Variants in SSX5 observed in about 807,000 individuals in gnomAD.
SSX5 encodes the protein protein SSX5.
In SSX5, 14 loss-of-function variants were observed where a neutral mutation model predicts 14.9. The observed-to-expected ratio is 0.94, with a 90% CI of 0.62 to 1.47. The LOEUF is 1.47. SSX5 is among the 40% of genes most tolerant of loss of function. SSX5 has a pLI of 0.00. For missense variants in SSX5, 204 were observed against 154.6 expected, an observed-to-expected ratio of 1.32 and a Z score of -1.70; for synonymous variants, 70 against 55.4, an observed-to-expected ratio of 1.26 and a Z score of -1.17.
At position 48,194,195 on chromosome X, in the gene SSX5, G is replaced by A. The variant is rs144821224; in HGVS notation, c.214C>T (p.Arg72Cys). 303 of 1,207,794 alleles carry A rather than the reference G, an allele frequency of 2.5e-4. 1 individual carries two copies. Among genetic ancestry groups the A allele is most frequent in the Admixed American group, 3.1e-4 (14 of 45,430 alleles). ...TGGAAGTCTGCGACCCGTTTATTAC[G>A]CATGAAAGGTGGGAGGGTGGCCTTG... ...GFKATLPPFM[R>C]NKRVADFQGN... is the part of the protein sequence containing the mutation. Residue 72 changes from arginine to cysteine, a missense_variant, in exon 4 of 8, where the codon CGT becomes TGT. Coordinates refer to ENST00000347757, the MANE Select transcript of SSX5 (RefSeq NM_175723.2).
rs144774349 is a variant in SSX5, at chrX:48,186,913, C to T, written c.*5-57G>A. ...GCAGTGAGTTCCCACCACATGACAA[C>T]TCAATCTCAACTCCTCCTGACCTGC... is the stretch of plus-strand genomic sequence containing the variant. On this transcript the variant is annotated intron_variant, in intron 7 of 7. Transcript: ENST00000347757. 449 of 1,180,933 alleles carry T rather than the reference C, an allele frequency of 3.8e-4. No homozygotes were observed. The African/African-American group carries it at 6.9e-3, about 18-fold the overall frequency.
chrX:48,193,159 T>C (rs2059426593), intron 4 of SSX5, among the ~76,000 whole-genome samples: 1 of 111,883 alleles, frequency 8.9e-6, no homozygotes, highest in East Asian at 2.8e-4. Context: ...ACATAATGTG[T>C]TCATCACCTT....
chrX:48,196,335 G>A (rs1556925834), intron 1 of SSX5, among the ~76,000 whole-genome samples: 1 of 110,172 alleles, frequency 9.1e-6, no homozygotes, highest in Non-Finnish European at 1.9e-5. Context: ...CCAAGGCCTA[G>A]GCAACAGGAT....
chrX:48,186,909 A>G (rs2059399954), intron 7 of SSX5, 53 bp from the exon 8 acceptor site: 3 of 1,187,571 alleles, frequency 2.5e-6, no homozygotes, highest in South Asian at 3.5e-5. Context: ...CCACCACATG[A>G]CAACTCAATC....
At chrX:48,189,995 A>T (rs1272262181) in intron 6 of SSX5, 138 bp downstream of exon 6, 6 of 894,840 alleles carry the variant, frequency 6.7e-6, no homozygotes, top group Non-Finnish European at 8.9e-6. Flanking sequence ...CATGTGTAAC[A>T]TCTCATCTGG....
At chrX:48,193,024 T>C (rs2059426089) in intron 4 of SSX5, among the ~76,000 whole-genome samples, 1 of 112,341 alleles carries the variant, frequency 8.9e-6, no homozygotes, top group Non-Finnish European at 1.9e-5. Flanking sequence ...GAAAGCTCTC[T>C]GTGTGTTGGA....
chrX:48,194,174 A>G lies in SSX5; in HGVS notation c.235T>C (p.Phe79Leu). The G allele has an allele frequency of 1.7e-6, 2 of 1,210,897 alleles. No homozygotes were observed. The highest frequency in any genetic ancestry group is 2.2e-6 in the Non-Finnish European group (2 of 895,210). The change falls in exon 4 of 8, where the codon TTC (phenylalanine) becomes CTC (leucine). Residue 79 changes from phenylalanine to leucine, a missense_variant. Coordinates refer to ENST00000347757, the MANE Select transcript of SSX5 (RefSeq NM_175723.2). ...PFMRNKRVAD[F>L]QGNDFDNDPN... The stretch of plus-strand genomic sequence containing the variant: ...TCATTATCAAAATCATTCCCCTGGA[A>G]GTCTGCGACCCGTTTATTACGCATG...
At chrX:48,187,290 C>G (rs782537500) in intron 7 of SSX5, among the ~76,000 whole-genome samples, 1 of 110,657 alleles carries the variant, frequency 9.0e-6, no homozygotes, top group African/African-American at 3.3e-5. Context: ...CCTGTCTCTA[C>G]TAAAAATACA....
intron 4 of SSX5, among the ~76,000 whole-genome samples, 186 bp downstream of exon 4, chrX:48,193,943 G>C (rs72616748): frequency 0.024 from 2,486 of 104,550 alleles, 49 homozygotes; most frequent in East Asian, 0.095. Context: ...ACATATTCTT[G>C]TTTTGCATGT....
chrX:48,186,656 C>T lies in SSX5; in HGVS notation c.*205G>A. 1 of 741,818 alleles carries T rather than the reference C, an allele frequency of 1.3e-6. No homozygotes were observed. 61.1% of individuals were successfully genotyped at this position (741,818 alleles called of 1,213,427 possible). A position where few individuals can be genotyped will look rare whatever the true frequency, so the allele number is the denominator to read the frequency against. On this transcript the variant is annotated 3_prime_UTR_variant, in exon 8 of 8. Transcript: ENST00000347757. ...AAAACGCTAATATCTAACAGAATGG[C>T]ACACTGTAACAAAATACAACAGAAA... is the stretch of plus-strand genomic sequence containing the variant.
chrX:48,195,269 G>GC, intron 2 of SSX5, 21 bp downstream of exon 2: 1 of 1,209,261 alleles, frequency 8.3e-7, no homozygotes, highest in African/African-American at 1.7e-5. Flanking sequence ...CCACTACTAT[G>GC]CCCCCTGCAG....
chrX:48,195,347 G>T lies in SSX5; in HGVS notation c.12C>A (p.Asp4Glu), dbSNP rs147678026. The change falls in exon 2 of 8, where the codon GAC becomes GAA. Residue 4 changes from aspartate to glutamate, a missense_variant. Coordinates refer to ENST00000347757, the MANE Select transcript of SSX5 (RefSeq NM_175723.2). The part of the protein sequence containing the change: MNG[D>E]DAFVRRPRVG... Reference sequence around the variant, plus strand: ...CCCTAGGTCTCCGTACAAAGGCATCGTCTCCGTTCATGGCACCGGGAGCAC... The same window carrying T: ...CCCTAGGTCTCCGTACAAAGGCATCTTCTCCGTTCATGGCACCGGGAGCAC... 8.3e-7 allele frequency: 1 copy of T among 1,211,529 alleles called. No individual in the cohort carries two copies. The highest frequency in any genetic ancestry group is 1.1e-6 in the Non-Finnish European group (1 of 895,325).
rs782259050 is a variant in SSX5, at chrX:48,190,910, CT to C, written c.331-643del. Among the ~76,000 whole-genome samples, 597 of 101,979 alleles carry C rather than the reference CT, an allele frequency of 5.9e-3. 2 individuals carry two copies. Among genetic ancestry groups the C allele is most frequent in the Non-Finnish European group, 7.8e-3 (389 of 49,565 alleles). 88.6% of individuals were successfully genotyped at this position (101,979 alleles called of 115,157 possible). ...ATCACTGACCAACACTCTTAAGCTA[CT>C]TTTTTTTTTTTTTGGATGGAGTCTC... is the stretch of plus-strand genomic sequence containing the variant. On this transcript the variant is annotated intron_variant, in intron 5 of 7. Coordinates refer to ENST00000347757, the MANE Select transcript of SSX5 (RefSeq NM_175723.2).
chrX:48,187,829 T>A, intron 6 of SSX5, 98 bp from the exon 7 acceptor site: 1 of 1,035,541 alleles, frequency 9.7e-7, no homozygotes, highest in Non-Finnish European at 1.3e-6. Flanking sequence ...AAAAAGGAGA[T>A]GCCTCCCCAC....
At position 48,187,707 on chromosome X, in the gene SSX5, C is replaced by G. The variant is rs781834014; in HGVS notation, c.491G>C (p.Trp164Ser). ...CTTTCTCTCACGCACTCTGTGGGTC[C>G]AGGCATGTTTCCCCCTTTTGGGTCC... ...TSGPKRGKHA[W>S]THRVRERKQL... Residue 164 changes from tryptophan to serine, a missense_variant, in exon 7 of 8, where the codon TGG becomes TCG. Trp to Ser is a radical substitution (Grantham distance 177). Transcript: ENST00000347757. 6.6e-6 allele frequency: 8 copies of G among 1,207,535 alleles called. No individual in the cohort carries two copies. The highest frequency in any genetic ancestry group is 4.5e-6 in the Non-Finnish European group (4 of 894,670).
At chrX:48,194,049 T>C (rs1305625946) in intron 4 of SSX5, 80 bp downstream of exon 4, 10 of 1,134,308 alleles carry the variant, frequency 8.8e-6, no homozygotes, top group Non-Finnish European at 1.2e-5. Flanking sequence ...AACAAATGCC[T>C]GAGGATCTTT....
intron 5 of SSX5, 34 bp from the exon 6 acceptor site, chrX:48,190,302 C>A (rs1185757754): frequency 8.6e-7 from 1 of 1,163,466 alleles, no homozygotes; most frequent in Non-Finnish European, 1.1e-6. Context: ...TAAACAGTAT[C>A]AGTGACATTT....
At chrX:48,194,464 G>C (rs1401752568) in intron 3 of SSX5, among the ~76,000 whole-genome samples, 2 of 109,915 alleles carry the variant, frequency 1.8e-5, no homozygotes, top group African/African-American at 3.3e-5. Context: ...AGGGACGATG[G>C]GGGGGTGCCA....
At chrX:48,191,149 C>T (rs191656198) in intron 5 of SSX5, among the ~76,000 whole-genome samples, 4 of 110,459 alleles carry the variant, frequency 3.6e-5, no homozygotes, top group Middle Eastern at 4.7e-3. Flanking sequence ...ATGATCTGCC[C>T]GCCTCAGCCT....
Sources: allele counts gnomAD v4.1 joint callset (sites outside exome capture counted in the v4.1 genomes callset), GRCh38; gene constraint gnomAD v4.1.1; transcripts MANE v1.5; gene names NCBI Gene and HGNC (gene_info 2026-07-23, HGNC 2026-07-21).